The following GUCY1A2 variants were observed in gnomAD, a reference collection of about 807,000 sequenced individuals.
GUCY1A2 encodes the protein guanylate cyclase soluble subunit alpha-2.
Under a neutral mutation model 63.5 loss-of-function variants are expected in GUCY1A2, and 27 were observed. The observed-to-expected ratio is 0.43, with a 90% confidence interval of 0.31 to 0.59. The LOEUF is 0.59. Ranked by LOEUF, GUCY1A2 falls within the 20% of genes least tolerant of loss-of-function variation. The pLI is 0.11. For synonymous variants in GUCY1A2, 364 were observed against 343.5 expected, an observed-to-expected ratio of 1.06 and a Z score of -0.66; for missense variants, 768 against 913.3, an observed-to-expected ratio of 0.84 and a Z score of 2.05.
intron 3 of GUCY1A2, among the ~76,000 whole-genome samples, chr11:106,940,457 C>A (rs1860738036): frequency 6.6e-6 from 1 of 152,100 alleles, no homozygotes; most frequent in African/African-American, 2.4e-5. Flanking sequence ...AGAGTCACAG[C>A]AAAATTGAGC....
intron 4 of GUCY1A2, among the ~76,000 whole-genome samples, chr11:106,856,093 A>AT (rs962824387): frequency 7.2e-6 from 1 of 138,884 alleles, no homozygotes; most frequent in African/African-American, 2.6e-5. Flanking sequence ...ACCTGGCTAA[A>AT]TTTTTTTTTG....
At chr11:106,949,740 G>T (rs952032970) in intron 3 of GUCY1A2, among the ~76,000 whole-genome samples, 3 of 152,130 alleles carry the variant, frequency 2.0e-5, no homozygotes, top group African/African-American at 7.2e-5. Context: ...AGATAGATAG[G>T]GGAGGAAGGA....
At chr11:106,769,094 A>T (rs1298246956) in intron 6 of GUCY1A2, among the ~76,000 whole-genome samples, 1 of 152,098 alleles carries the variant, frequency 6.6e-6, no homozygotes, top group Non-Finnish European at 1.5e-5. Context: ...CTAAGTCTTA[A>T]ATTATTTCTA....
Position 106,940,888 on chromosome 11 carries a change from A to T in GUCY1A2, c.488-710T>A, listed in dbSNP as rs186378919. Among the ~76,000 whole-genome samples, 12 of 152,294 alleles carry T rather than the reference A, an allele frequency of 7.9e-5. No individual in the cohort carries two copies. In the East Asian group the frequency reaches 2.3e-3, roughly 29 times the overall value. On this transcript the variant is annotated intron_variant, in intron 3 of 7. Coordinates refer to ENST00000526355, the MANE Select transcript of GUCY1A2 (RefSeq NM_000855.3). The stretch of plus-strand genomic sequence containing the variant: ...AGAATATCCAAGTTGCCTACATATT[A>T]TGTCCATATTACATCCATATTATCA...
chr11:106,730,039 G>T (rs947977259), intron 6 of GUCY1A2, among the ~76,000 whole-genome samples: 1 of 119,450 alleles, frequency 8.4e-6, no homozygotes, highest in Non-Finnish European at 1.7e-5. Flanking sequence ...TGACAAAACT[G>T]CTTTCTTTAA....
In GUCY1A2 at chr11:107,009,761, T is replaced by C. The variant is rs531708506; in HGVS notation, c.303+7992A>G. Among the ~76,000 whole-genome samples, 393 of 152,272 alleles carry C rather than the reference T, an allele frequency of 2.6e-3. 4 individuals carry two copies. Among genetic ancestry groups the C allele is most frequent in the Non-Finnish European group, 2.6e-3 (178 of 68,014 alleles). ...ATCCCTAACCCAGTAAAGGTAATAG[T>C]TGTCTGGGATACATTAATCCCAAAG... On this transcript the variant is annotated intron_variant, in intron 1 of 7. Coordinates refer to ENST00000526355, the MANE Select transcript of GUCY1A2 (RefSeq NM_000855.3).
chr11:106,679,835 C>G lies in GUCY1A2; in HGVS notation c.*7714G>C. 2 of 217,762 alleles carry G rather than the reference C, an allele frequency of 9.2e-6. No individual in the cohort carries two copies. Among genetic ancestry groups the G allele is most frequent in the Non-Finnish European group, 1.8e-5 (2 of 108,368 alleles). 13.5% of individuals were successfully genotyped at this position (217,762 alleles called of 1,614,324 possible). A position where few individuals can be genotyped will look rare whatever the true frequency, so the allele number is the denominator to read the frequency against. ...TGTAACCAAGACTAGTTCTATCTGC[C>G]ACCTTCAGAAAGCATCTATTTGTAG... On this transcript the variant is annotated 3_prime_UTR_variant, in exon 8 of 8. Coordinates refer to ENST00000526355, the MANE Select transcript of GUCY1A2 (RefSeq NM_000855.3).
intron 4 of GUCY1A2, among the ~76,000 whole-genome samples, chr11:106,866,998 T>C (rs1859603076): frequency 6.6e-6 from 1 of 151,980 alleles, no homozygotes; most frequent in Admixed American, 6.6e-5. Flanking sequence ...AGTATAAATA[T>C]TAACCAAACT....
At chr11:106,868,176 C>T (rs916006504) in intron 4 of GUCY1A2, among the ~76,000 whole-genome samples, 7 of 151,924 alleles carry the variant, frequency 4.6e-5, no homozygotes, top group East Asian at 1.9e-4. Flanking sequence ...AAAGCTATGC[C>T]GGTACCTAGA....
chr11:106,850,684 GCA>G (rs1859341358), intron 4 of GUCY1A2, among the ~76,000 whole-genome samples: 1 of 151,676 alleles, frequency 6.6e-6, no homozygotes, highest in Admixed American at 6.6e-5. Flanking sequence ...TGACACGGAT[GCA>G]TTCTTTTTTT....
intron 7 of GUCY1A2, among the ~76,000 whole-genome samples, chr11:106,689,895 T>C (rs983082427): frequency 1.3e-5 from 2 of 151,540 alleles, no homozygotes; most frequent in Admixed American, 1.3e-4. Context: ...CTTAGGAGGC[T>C]GAGGCAGGAG....
intron 4 of GUCY1A2, among the ~76,000 whole-genome samples, chr11:106,908,618 A>G (rs1235118201): frequency 6.6e-6 from 1 of 152,008 alleles, no homozygotes; most frequent in Non-Finnish European, 1.5e-5. Context: ...GATGTGAGGA[A>G]TATCATTACT....
At chr11:106,737,859 A>G (rs1863618828) in intron 6 of GUCY1A2, among the ~76,000 whole-genome samples, 2 of 152,174 alleles carry the variant, frequency 1.3e-5, no homozygotes, top group Non-Finnish European at 2.9e-5. Flanking sequence ...CAATAAACAT[A>G]CATGTGCATG....
chr11:107,001,987 G>A (rs551379455), intron 1 of GUCY1A2, among the ~76,000 whole-genome samples: 1 of 150,840 alleles, frequency 6.6e-6, no homozygotes, highest in Non-Finnish European at 1.5e-5. Flanking sequence ...ACACTACACA[G>A]CAGCCTGGGC....
At chr11:106,781,129 A>AAAG (rs1555031194) in intron 5 of GUCY1A2, among the ~76,000 whole-genome samples, 54 of 145,446 alleles carry the variant, frequency 3.7e-4, no homozygotes, top group African/African-American at 1.3e-3. Context: ...AAAAAAAAAA[A>AAAG]AAAAGAAAAA....
intron 1 of GUCY1A2, among the ~76,000 whole-genome samples, chr11:106,988,947 A>G (rs1861436918): frequency 6.6e-6 from 1 of 152,206 alleles, no homozygotes; most frequent in Admixed American, 6.5e-5. Context: ...GAAGACCCAC[A>G]AACGGGCCAA....
intron 7 of GUCY1A2, among the ~76,000 whole-genome samples, chr11:106,702,152 C>A (rs1247176686): frequency 6.6e-6 from 1 of 152,096 alleles, no homozygotes; most frequent in African/African-American, 2.4e-5. Context: ...CACACTCTTG[C>A]TGTAAGGATT....
chr11:106,971,934 C>G (rs149559300), intron 3 of GUCY1A2, among the ~76,000 whole-genome samples: 69 of 152,084 alleles, frequency 4.5e-4, no homozygotes, highest in Middle Eastern at 3.4e-3. Context: ...AGGAAGTGCT[C>G]AAAACACACT....
At chr11:106,879,485 G>A (rs1285917299) in intron 4 of GUCY1A2, among the ~76,000 whole-genome samples, 2 of 152,052 alleles carry the variant, frequency 1.3e-5, no homozygotes, top group Non-Finnish European at 2.9e-5. Context: ...TAACCTCCAG[G>A]ACATGGCATA....
Sources: allele counts gnomAD v4.1 joint callset (sites outside exome capture counted in the v4.1 genomes callset), GRCh38; gene constraint gnomAD v4.1.1; transcripts MANE v1.5; gene names NCBI Gene and HGNC (gene_info 2026-07-23, HGNC 2026-07-21).